Variants in BLK observed in about 807,000 individuals in gnomAD.
The protein encoded by BLK is tyrosine-protein kinase Blk.
BLK carries 64 observed loss-of-function variants against 61.8 expected under a neutral mutation model. The ratio of observed to expected loss-of-function variants is 1.03; its 90% CI spans 0.85 to 1.27. The LOEUF (loss-of-function observed/expected upper bound fraction) is 1.27. Ranked by LOEUF, BLK falls within the 50% of genes most tolerant of loss-of-function variation. The pLI is 0.00. For missense variants in BLK, 853 were observed against 660.5 expected, an observed-to-expected ratio of 1.29 and a Z score of -3.19; for synonymous variants, 351 against 272.0, an observed-to-expected ratio of 1.29 and a Z score of -2.86.
intron 1 of BLK, among the ~76,000 whole-genome samples, chr8:11,504,530 A>G (rs1798696073): frequency 6.6e-6 from 1 of 152,214 alleles, no homozygotes; most frequent in East Asian, 1.9e-4. Flanking sequence ...GCGCCTTCAG[A>G]AGCTGGTTAT....
At chr8:11,561,609 A>C (rs1801510323) in intron 11 of BLK, among the ~76,000 whole-genome samples, 157 bp downstream of exon 11, 1 of 152,000 alleles carries the variant, frequency 6.6e-6, no homozygotes, top group African/African-American at 2.4e-5. Context: ...CATTTACCCA[A>C]ATGTGTTCAG....
intron 1 of BLK, among the ~76,000 whole-genome samples, chr8:11,501,484 G>C (rs1405542247): frequency 3.3e-5 from 5 of 152,122 alleles, no homozygotes; most frequent in African/African-American, 7.2e-5. Flanking sequence ...GTCAAGATAG[G>C]CATCTTGTAG....
Position 11,563,915 on chromosome 8 carries a change from C to A in BLK, c.1325C>A (p.Pro442His), listed in dbSNP as rs1158087503. The change falls in exon 13 of 13, where the codon CCC (proline) becomes CAC (histidine). Residue 442 changes from proline (P) to histidine (H), a missense_variant. By Grantham distance (77) the Pro-to-His change is moderately conservative. Coordinates refer to ENST00000259089, the MANE Select transcript of BLK (RefSeq NM_001715.3). Reference sequence around the variant, plus strand: ...TCCTCTGCCGCAGGGATGAGCAACCCCGAGGTCATCCGCAACCTGGAGCGC... The same window carrying A: ...TCCTCTGCCGCAGGGATGAGCAACCACGAGGTCATCCGCAACCTGGAGCGC... ...GRVPYPGMSNPEVIRNLERGY... is the reference protein window; with the variant it reads ...GRVPYPGMSNHEVIRNLERGY... 3 of 1,608,912 alleles carry A rather than the reference C, an allele frequency of 1.9e-6. No homozygotes were observed. Among genetic ancestry groups the A allele is most frequent in the Non-Finnish European group, 2.5e-6 (3 of 1,179,464 alleles).
chr8:11,538,250 G>C (rs986762617), intron 1 of BLK, among the ~76,000 whole-genome samples: 9 of 152,166 alleles, frequency 5.9e-5, no homozygotes, highest in Non-Finnish European at 1.3e-4. Context: ...AAGCCATCTG[G>C]AGCCCCAGCC....
chr8:11,520,781 T>C (rs1447764626), intron 1 of BLK, among the ~76,000 whole-genome samples: 2 of 152,212 alleles, frequency 1.3e-5, no homozygotes, highest in Non-Finnish European at 1.5e-5. Flanking sequence ...TCTGTTTGTC[T>C]TTCAGGGAAA....
chr8:11,545,075 C>T (rs577966375), intron 2 of BLK, among the ~76,000 whole-genome samples: 1 of 152,290 alleles, frequency 6.6e-6, no homozygotes, highest in African/African-American at 2.4e-5. Context: ...ATGTTGTAAA[C>T]TTTAAATCAA....
intron 10 of BLK, chr8:11,561,040 A>G (rs1234241048): frequency 7.7e-6 from 5 of 647,902 alleles, no homozygotes; most frequent in Non-Finnish European, 1.1e-5. Context: ...ACCCTTGGAC[A>G]CAGCTGTGTG....
chr8:11,516,234 C>T (rs564394195), intron 1 of BLK, among the ~76,000 whole-genome samples: 1 of 152,290 alleles, frequency 6.6e-6, no homozygotes, highest in East Asian at 1.9e-4. Flanking sequence ...GAAAGTAGAA[C>T]GGGGGTGCGA....
Position 11,521,107 on chromosome 8 carries a change from T to C in BLK, c.-1-22117T>C, listed in dbSNP as rs775395749. 3.3e-5 allele frequency among the ~76,000 whole-genome samples: 5 copies of C among 152,252 alleles called. No homozygotes were observed. In the East Asian group the frequency reaches 7.7e-4, roughly 23 times the overall value. On this transcript the variant is annotated intron_variant, in intron 1 of 12. Transcript: ENST00000259089. ...TGCAGGAAAAGACAGAGTCCAGAAATAGGCCCATGATTATGTGGGAATTGA... is the reference window on the plus strand; with the variant it reads ...TGCAGGAAAAGACAGAGTCCAGAAACAGGCCCATGATTATGTGGGAATTGA...
At chr8:11,521,352 A>G (rs1799439183) in intron 1 of BLK, among the ~76,000 whole-genome samples, 1 of 152,310 alleles carries the variant, frequency 6.6e-6, no homozygotes, top group Non-Finnish European at 1.5e-5. Flanking sequence ...GTGCAATGGC[A>G]CCATTATGGC....
chr8:11,517,661 A>C lies in BLK; in HGVS notation c.-2+23070A>C, dbSNP rs540305685. On this transcript the variant is annotated intron_variant, in intron 1 of 12. Coordinates refer to ENST00000259089, the MANE Select transcript of BLK (RefSeq NM_001715.3). ...GCATGTTGGGGGCCAGGAGACAGCC[A>C]CCCAGACCTTGACAAGGCAGGGGAC... Among the ~76,000 whole-genome samples the C allele has an allele frequency of 2.6e-5, 4 of 152,216 alleles. No homozygotes were observed. In the East Asian group the frequency reaches 7.7e-4, roughly 29 times the overall value.
intron 1 of BLK, among the ~76,000 whole-genome samples, chr8:11,525,283 C>G (rs1332580100): frequency 6.6e-6 from 1 of 152,160 alleles, no homozygotes; most frequent in Non-Finnish European, 1.5e-5. Context: ...TCTGTTTAAC[C>G]CAAATCCTTC....
At chr8:11,528,245 C>G (rs1585361456) in intron 1 of BLK, among the ~76,000 whole-genome samples, 1 of 152,116 alleles carries the variant, frequency 6.6e-6, no homozygotes, top group South Asian at 2.1e-4. Context: ...CTGTGTTGTC[C>G]AGGCTGGTCT....
rs1585416548 is a variant in BLK at position 11,557,758 on chromosome 8, C to T, written c.953-204C>T. 3 of 560,132 alleles carry T rather than the reference C, an allele frequency of 5.4e-6. No homozygotes were observed. In the South Asian group the frequency reaches 5.4e-5, roughly 10 times the overall value. The allele number at this position is 560,132 out of a possible 1,614,324, so 34.7% of individuals were successfully genotyped here. A position where few individuals can be genotyped will look rare whatever the true frequency, so the allele number is the denominator to read the frequency against. On this transcript the variant is annotated intron_variant, in intron 9 of 12. Coordinates refer to ENST00000259089, the MANE Select transcript of BLK (RefSeq NM_001715.3). ...TGGGCAACTGCTGGTATATTGGCTGCCTCCCGGGGTGCTGAGACTGGCATT... is the reference window on the plus strand; with the variant it reads ...TGGGCAACTGCTGGTATATTGGCTGTCTCCCGGGGTGCTGAGACTGGCATT...
intron 1 of BLK, among the ~76,000 whole-genome samples, chr8:11,540,331 G>A (rs550589999): frequency 1.1e-4 from 16 of 151,896 alleles, no homozygotes; most frequent in African/African-American, 2.2e-4. Context: ...TCACATACGC[G>A]ATTCCTGTAT....
At chr8:11,545,779 G>T in intron 2 of BLK, 1 of 506,168 alleles carries the variant, frequency 2.0e-6, no homozygotes, top group Non-Finnish European at 3.6e-6. Flanking sequence ...CAAGTGGTTG[G>T]GCTTTCCCTC....
Position 11,555,992 on chromosome 8 carries a change from C to T in BLK, c.772+508C>T, listed in dbSNP as rs181168426. 635 of 285,234 alleles carry T rather than the reference C, an allele frequency of 2.2e-3. 17 individuals are homozygous for T. In the Admixed American group the frequency reaches 0.023, roughly 10 times the overall value. The allele number at this position is 285,234 out of a possible 1,614,324, so 17.7% of individuals were successfully genotyped here. On this transcript the variant is annotated intron_variant, in intron 8 of 12. Transcript: ENST00000259089. ...CCCCCGCCCACCAGGATATAAAACT[C>T]GTGTTCCGTTTTATCCCTGGATTGG...
intron 10 of BLK, chr8:11,560,703 C>T: frequency 2.7e-6 from 1 of 375,542 alleles, no homozygotes; most frequent in South Asian, 2.0e-5. Context: ...GCCAGTGCTC[C>T]CTGGGTGCCC....
intron 1 of BLK, among the ~76,000 whole-genome samples, chr8:11,506,658 G>C (rs2117267017): frequency 6.6e-6 from 1 of 152,304 alleles, no homozygotes; most frequent in Non-Finnish European, 1.5e-5. Flanking sequence ...TCTAAGTTCT[G>C]GGAGCCTCAT....
Sources: gnomAD v4.1 joint callset for allele counts (sites outside exome capture counted in the v4.1 genomes callset) on GRCh38, gnomAD v4.1.1 for gene constraint, MANE v1.5 for transcripts, NCBI Gene and HGNC (gene_info 2026-07-23, HGNC 2026-07-21) for gene names.